Variants in CDH13 observed in about 807,000 individuals in gnomAD.
CDH13 encodes the protein cadherin 13, also known as cadherin-13.
A neutral mutation model predicts 63.8 loss-of-function variants in CDH13; 24 were observed. The observed-to-expected ratio is 0.38, with a 90% CI of 0.27 to 0.53. The LOEUF (loss-of-function observed/expected upper bound fraction) is 0.53, where lower values mean the gene tolerates loss of function less well. Among genes scored for constraint, CDH13 ranks in the 20% least tolerant of loss-of-function variants. CDH13 has a pLI of 0.85. For missense variants in CDH13, 1,049 were observed against 903.1 expected (o/e 1.16, Z -2.07); for synonymous variants, 503 against 355.3 (o/e 1.42, Z -4.67).
chr16:82,727,448 C>G (rs1226848074), intron 1 of CDH13: 4 of 152,146 alleles, frequency 2.6e-5, no homozygotes, highest in Non-Finnish European at 4.4e-5. Flanking sequence ...AACCAGTAAC[C>G]ATTCCTCCTT....
In CDH13 at chr16:83,785,076, C is replaced by A. The variant is rs1321051386; in HGVS notation, c.2134+1604C>A. ...TGGGGACTGAGAAGAAATTAGGAAACCTTGTCAAAGCACAGATAATTCGGC... is the reference window on the plus strand; with the variant it reads ...TGGGGACTGAGAAGAAATTAGGAAAACTTGTCAAAGCACAGATAATTCGGC... On this transcript the variant is annotated intron_variant, in intron 13 of 13. Coordinates refer to ENST00000567109, the MANE Select transcript of CDH13 (RefSeq NM_001257.5). Among the ~76,000 whole-genome samples, 6 of 152,174 alleles carry A rather than the reference C, an allele frequency of 3.9e-5. No individual in the cohort carries two copies. The South Asian group carries it at 6.2e-4, about 16-fold the overall frequency.
chr16:83,237,500 G>T (rs866937349), intron 5 of CDH13, among the ~76,000 whole-genome samples: 1 of 152,258 alleles, frequency 6.6e-6, no homozygotes, highest in Non-Finnish European at 1.5e-5. Flanking sequence ...AGTAGTCCAC[G>T]TGGTGACTAT....
At chr16:82,875,690 T>C (rs1278710473) in intron 2 of CDH13, among the ~76,000 whole-genome samples, 1 of 152,218 alleles carries the variant, frequency 6.6e-6, no homozygotes, top group Non-Finnish European at 1.5e-5. Flanking sequence ...AAAGATTTTA[T>C]CTATCTCAAC....
intron 6 of CDH13, among the ~76,000 whole-genome samples, chr16:83,470,408 G>C (rs73603805): frequency 0.013 from 2,025 of 152,262 alleles, 36 homozygotes; most frequent in African/African-American, 0.047. Flanking sequence ...TCAAAAGGTA[G>C]CTCTCCTGGC....
At chr16:83,306,040 C>T (rs1385141236) in intron 5 of CDH13, among the ~76,000 whole-genome samples, 1 of 152,170 alleles carries the variant, frequency 6.6e-6, no homozygotes, top group African/African-American at 2.4e-5. Context: ...AGCAGCATCC[C>T]TTTACTGCAC....
intron 8 of CDH13, among the ~76,000 whole-genome samples, chr16:83,646,122 C>T (rs1176288093): frequency 6.6e-6 from 1 of 152,070 alleles, no homozygotes; most frequent in Non-Finnish European, 1.5e-5. Context: ...TACGTGAAAG[C>T]CACCAGGTAG....
chr16:82,808,652 G>C (rs1463858829), intron 1 of CDH13, among the ~76,000 whole-genome samples: 3 of 152,134 alleles, frequency 2.0e-5, no homozygotes, highest in Non-Finnish European at 4.4e-5. Context: ...TCAAAGGAAA[G>C]GCTTCTAGTG....
At chr16:82,746,732 T>C (rs7185447) in intron 1 of CDH13, among the ~76,000 whole-genome samples, 39,619 of 151,872 alleles carry the variant, frequency 0.26, 5,782 homozygotes, top group South Asian at 0.38. Flanking sequence ...CCCAAACTGA[T>C]TTCTTAAAAT....
intron 1 of CDH13, among the ~76,000 whole-genome samples, chr16:82,733,675 G>A (rs2033520001): frequency 1.3e-5 from 2 of 152,152 alleles, no homozygotes; most frequent in Non-Finnish European, 2.9e-5. Flanking sequence ...TGACTGAGCT[G>A]GGGTTTAAAT....
intron 7 of CDH13, among the ~76,000 whole-genome samples, chr16:83,567,177 C>A (rs1445018569): frequency 1.3e-5 from 2 of 152,246 alleles, no homozygotes; most frequent in African/African-American, 4.8e-5. Flanking sequence ...TGCCACTCTT[C>A]TGGGCTTTCC....
chr16:83,461,972 T>C (rs2073193250), intron 6 of CDH13, among the ~76,000 whole-genome samples: 1 of 152,230 alleles, frequency 6.6e-6, no homozygotes, highest in South Asian at 2.1e-4. Context: ...TCCCTGTCCC[T>C]ACATGTGTGC....
intron 13 of CDH13, 92 bp from the exon 14 acceptor site, chr16:83,794,931 A>T: frequency 8.5e-7 from 1 of 1,182,548 alleles, no homozygotes; most frequent in Non-Finnish European, 1.2e-6. Context: ...TGTGTTTATT[A>T]TACCTTGCCT....
At chr16:83,395,031 C>G (rs2091859532) in intron 6 of CDH13, among the ~76,000 whole-genome samples, 1 of 151,838 alleles carries the variant, frequency 6.6e-6, no homozygotes, top group Non-Finnish European at 1.5e-5. Context: ...ACCTGTAATC[C>G]CAGGTACTTG....
intron 7 of CDH13, among the ~76,000 whole-genome samples, chr16:83,489,100 A>G (rs1415577222): frequency 6.6e-6 from 1 of 152,214 alleles, no homozygotes; most frequent in Non-Finnish European, 1.5e-5. Context: ...CAAGAAAAAG[A>G]TGAAGCATGG....
intron 1 of CDH13, among the ~76,000 whole-genome samples, chr16:82,735,637 G>A (rs1463613301): frequency 6.6e-6 from 1 of 152,212 alleles, no homozygotes; most frequent in African/African-American, 2.4e-5. Flanking sequence ...TTGACACAGT[G>A]TCTATGAGCT....
intron 10 of CDH13, among the ~76,000 whole-genome samples, chr16:83,744,110 G>C (rs1233915865): frequency 2.0e-5 from 3 of 152,174 alleles, no homozygotes; most frequent in Non-Finnish European, 4.4e-5. Context: ...CTCTTAAAGG[G>C]TTTAGCACCA....
chr16:83,372,412 T>C (rs549707645), intron 6 of CDH13, among the ~76,000 whole-genome samples: 1 of 152,194 alleles, frequency 6.6e-6, no homozygotes, highest in Admixed American at 6.5e-5. Flanking sequence ...CCAAATTCAG[T>C]GCAAAAAATA....
At chr16:83,036,225 C>A (rs1430193900) in intron 3 of CDH13, among the ~76,000 whole-genome samples, 5 of 147,776 alleles carry the variant, frequency 3.4e-5, no homozygotes, top group Non-Finnish European at 7.4e-5. Context: ...TCTCAGCTCA[C>A]TGCAACCTCC....
intron 2 of CDH13, among the ~76,000 whole-genome samples, chr16:82,922,157 A>G (rs1386067201): frequency 2.6e-5 from 4 of 151,980 alleles, no homozygotes; most frequent in Non-Finnish European, 5.9e-5. Flanking sequence ...TCTCTCTTTT[A>G]TCTTGGTTAG....
Sources: gnomAD v4.1 joint callset for allele counts (sites outside exome capture counted in the v4.1 genomes callset) on GRCh38, gnomAD v4.1.1 for gene constraint, MANE v1.5 for transcripts, NCBI Gene and HGNC (gene_info 2026-07-23, HGNC 2026-07-21) for gene names.